The following KIF14 variants were observed in gnomAD, a reference collection of about 807,000 sequenced individuals.
The protein encoded by KIF14 is kinesin-like protein KIF14.
In KIF14, 98 loss-of-function variants were observed where a neutral mutation model predicts 176.2. The ratio of observed to expected loss-of-function variants is 0.56; its 90% CI spans 0.47 to 0.66. The LOEUF is 0.66. KIF14 is among the 30% of genes least tolerant of loss of function. KIF14 has a pLI of 0.00. For synonymous variants in KIF14, 566 were observed against 632.2 expected, an observed-to-expected ratio of 0.90 and a Z score of 1.57; for missense variants, 1,751 against 1,920.4, an observed-to-expected ratio of 0.91 and a Z score of 1.65.
rs781291020 is a variant in KIF14, at chr1:200,605,886, A to T, written c.1616T>A (p.Val539Asp). The T allele has an allele frequency of 6.5e-7, 1 of 1,532,172 alleles. No homozygotes were observed. Among genetic ancestry groups the T allele is most frequent in the Non-Finnish European group, 8.8e-7 (1 of 1,135,486 alleles). 94.9% of individuals were successfully genotyped at this position (1,532,172 alleles called of 1,614,324 possible). A position where few individuals can be genotyped will look rare whatever the true frequency, so the allele number is the denominator to read the frequency against. Residue 539 changes from valine to aspartate, a missense_variant, in exon 7 of 30, where the codon GTC becomes GAC. Transcript: ENST00000367350. The stretch of plus-strand genomic sequence containing the variant: ...TACCTGGATATCAGCGTAAGAACTG[A>T]CAATGTTCCTATTTTTAAGAAGTGA... ...PYVEALSMNI[V>D]SSYADIQSWL...
In KIF14 at chr1:200,553,488, C is replaced by T. The variant is rs1195571618; in HGVS notation, c.4847G>A (p.Ser1616Asn). The change falls in exon 30 of 30, where the codon AGT becomes AAT. Residue 1616 changes from serine (S) to asparagine (N), a missense_variant. Ser to Asn is a conservative substitution (Grantham distance 46). Transcript: ENST00000367350. ...QQSKSSGIDG[S>N]KNKGVPKRVY... Reference sequence around the variant, plus strand: ...ACGCTTTGGTACACCTTTATTCTTACTGCCGTCAATCCCGCTTGATTTAGA... The same window carrying T: ...ACGCTTTGGTACACCTTTATTCTTATTGCCGTCAATCCCGCTTGATTTAGA... 7.4e-6 allele frequency: 12 copies of T among 1,613,906 alleles called. No individual in the cohort carries two copies. The highest frequency in any genetic ancestry group is 2.2e-5 in the East Asian group (1 of 44,854).
At chr1:200,601,173 A>G (rs571575884) in intron 11 of KIF14, among the ~76,000 whole-genome samples, 231 of 152,288 alleles carry the variant, frequency 1.5e-3, no homozygotes, top group Non-Finnish European at 2.5e-3. Context: ...ATGAGCCACC[A>G]TGCCCGGCCC....
intron 21 of KIF14, among the ~76,000 whole-genome samples, chr1:200,579,219 A>T (rs917024763): frequency 1.6e-4 from 24 of 152,228 alleles, no homozygotes; most frequent in Admixed American, 6.5e-5. Flanking sequence ...CTGTAATCCC[A>T]ACACTTTGGG....
At chr1:200,593,572 C>T (rs1430923859) in intron 15 of KIF14, 95 bp downstream of exon 15, 1 of 825,942 alleles carries the variant, frequency 1.2e-6, no homozygotes, top group African/African-American at 1.7e-5. Context: ...TCTGCTTCAA[C>T]ACCCTTATCT....
chr1:200,612,106 G>A (rs933946485), intron 4 of KIF14, among the ~76,000 whole-genome samples: 1 of 151,730 alleles, frequency 6.6e-6, no homozygotes, highest in Non-Finnish European at 1.5e-5. Context: ...GGGTTCAAGC[G>A]ATTCTCCTAC....
intron 21 of KIF14, among the ~76,000 whole-genome samples, chr1:200,576,691 A>AGCC (rs1658132974): frequency 6.6e-6 from 1 of 152,144 alleles, no homozygotes; most frequent in African/African-American, 2.4e-5. Context: ...TCATAAACCC[A>AGCC]TCATTTTCAC....
rs1345401605 is a variant in KIF14 at position 200,552,913 on chromosome 1, TATTTTA to T, written c.*469_*474del. 7.9e-3 allele frequency: 1,131 copies of T among 142,548 alleles called. 17 individuals carry two copies. The highest frequency in any genetic ancestry group is 0.025 in the African/African-American group (976 of 39,016). The allele number at this position is 142,548 out of a possible 1,614,324, so 8.8% of individuals were successfully genotyped here. On this transcript the variant is annotated 3_prime_UTR_variant, in exon 30 of 30. Transcript: ENST00000367350. ...GTTAAACACTTTAAAGATAAAAATA[TATTTTA>T]TTTATTTATTTATTTATTTATTTAT...
At chr1:200,586,368 T>A in intron 18 of KIF14, 141 bp from the exon 19 acceptor site, 2 of 572,950 alleles carry the variant, frequency 3.5e-6, no homozygotes, top group Non-Finnish European at 5.7e-6. Flanking sequence ...TAACATTGTA[T>A]AACTTAAATA....
chr1:200,616,251 C>T (rs1660402497), intron 2 of KIF14, among the ~76,000 whole-genome samples: 1 of 152,188 alleles, frequency 6.6e-6, no homozygotes, highest in Non-Finnish European at 1.5e-5. Context: ...GACTCTGAGA[C>T]TGCTTTAAAT....
At position 200,603,845 on chromosome 1, in the gene KIF14, T is replaced by A; in HGVS notation, c.1857A>T (p.Arg619=). Residue 619 remains arginine, a synonymous_variant, in exon 9 of 30, where the codon CGA becomes CGT. Coordinates refer to ENST00000367350, the MANE Select transcript of KIF14 (RefSeq NM_014875.3). ...GAAAAAGCATTCCATTTACCTTTAG[T>A]CGATCTCCATTAGTGTGAGCCGTAG... ...RCSTAHTNGD[R]LKEGVSINKS... 1 of 1,582,496 alleles carries A rather than the reference T, an allele frequency of 6.3e-7. No individual in the cohort carries two copies. Among genetic ancestry groups the A allele is most frequent in the Non-Finnish European group, 8.7e-7 (1 of 1,151,700 alleles).
At position 200,553,285 on chromosome 1, in the gene KIF14, T is replaced by C; in HGVS notation, c.*103A>G. ...TAAAAAGACATGGACTTTTTTGAAA[T>C]ATCTGTGCTGATTTCTCTTAAACTC... On this transcript the variant is annotated 3_prime_UTR_variant, in exon 30 of 30. Transcript: ENST00000367350. 1 of 1,216,958 alleles carries C rather than the reference T, an allele frequency of 8.2e-7. No homozygotes were observed. The highest frequency in any genetic ancestry group is 1.1e-6 in the Non-Finnish European group (1 of 882,288). The allele number at this position is 1,216,958 out of a possible 1,614,324, so 75.4% of individuals were successfully genotyped here. A position where few individuals can be genotyped will look rare whatever the true frequency, so the allele number is the denominator to read the frequency against.
At position 200,615,546 on chromosome 1, in the gene KIF14, G is replaced by T; in HGVS notation, c.1176C>A (p.His392Gln). The T allele has an allele frequency of 1.2e-6, 2 of 1,613,512 alleles. No homozygotes were observed. The highest frequency in any genetic ancestry group is 8.5e-7 in the Non-Finnish European group (1 of 1,179,496). The change falls in exon 3 of 30, where the codon CAC becomes CAA. Residue 392 changes from histidine to glutamine, a missense_variant. Transcript: ENST00000367350. ...AATTATAAACTTGTTTCGTGTCAGG[G>T]TGTTCCACAGTTATTTCTTTCCCAC... The part of the protein sequence containing the change: ...FMSGKEITVE[H>Q]PDTKQVYNFI...
chr1:200,575,561 C>A, intron 22 of KIF14, 30 bp downstream of exon 22: 1 of 1,360,968 alleles, frequency 7.3e-7, no homozygotes, highest in South Asian at 1.3e-5. Context: ...ACACAAAGTG[C>A]AAGAAAACTA....
At chr1:200,602,801 G>A (rs1378726201) in intron 10 of KIF14, among the ~76,000 whole-genome samples, 1 of 152,128 alleles carries the variant, frequency 6.6e-6, no homozygotes, top group Non-Finnish European at 1.5e-5. Context: ...TCACTGTGTA[G>A]TAAGCAAACA....
chr1:200,608,248 C>T (rs1659980572), intron 5 of KIF14, among the ~76,000 whole-genome samples: 1 of 152,184 alleles, frequency 6.6e-6, no homozygotes. Context: ...CTTACATGGT[C>T]CAACTAAATC....
chr1:200,617,061 G>A (rs144150411), intron 2 of KIF14, among the ~76,000 whole-genome samples: 1,952 of 152,160 alleles, frequency 0.013, 36 homozygotes, highest in African/African-American at 0.044. Flanking sequence ...TCTGCCTCCC[G>A]GGTTCAAGTG....
chr1:200,561,067 C>A (rs554833112), intron 25 of KIF14, among the ~76,000 whole-genome samples, 187 bp from the exon 26 acceptor site: 1 of 151,912 alleles, frequency 6.6e-6, no homozygotes, highest in Non-Finnish European at 1.5e-5. Flanking sequence ...CCTATCTCTA[C>A]TAAAAATACA....
In KIF14 at chr1:200,618,242, C is replaced by T. The variant is rs1480698249; in HGVS notation, c.482G>A (p.Arg161Lys). Residue 161 changes from arginine (R) to lysine (K), a missense_variant, in exon 2 of 30, where the codon AGA becomes AAA. Physicochemically the swap from Arg to Lys is conservative, Grantham distance 26 (BLOSUM62 2). Transcript: ENST00000367350. ...ATTATTTACAATCCTTACATTTGTT[C>T]TACTTTCCTTAGAAACACCATTATT... is the stretch of plus-strand genomic sequence containing the variant. The part of the protein sequence containing the change: ...TENNGVSKES[R>K]TNVRIVNNAK... The T allele has an allele frequency of 5.0e-6, 8 of 1,613,862 alleles. No individual in the cohort carries two copies. The highest frequency in any genetic ancestry group is 3.4e-6 in the Non-Finnish European group (4 of 1,180,014).
At chr1:200,581,607 T>G (rs1658459023) in intron 19 of KIF14, among the ~76,000 whole-genome samples, 1 of 152,038 alleles carries the variant, frequency 6.6e-6, no homozygotes, top group Non-Finnish European at 1.5e-5. Flanking sequence ...TCTTCCTCAT[T>G]TCTAAATTAT....
Sources: gnomAD v4.1 joint callset for allele counts (sites outside exome capture counted in the v4.1 genomes callset) on GRCh38, gnomAD v4.1.1 for gene constraint, MANE v1.5 for transcripts, NCBI Gene and HGNC (gene_info 2026-07-23, HGNC 2026-07-21) for gene names.